Variants in SDK1 observed in about 807,000 individuals in gnomAD.
SDK1 encodes sidekick cell adhesion molecule 1.
A neutral mutation model predicts 245.5 loss-of-function variants in SDK1; 157 were observed. The observed-to-expected ratio is 0.64, with a 90% CI of 0.56 to 0.73. SDK1 has a LOEUF of 0.73. SDK1 is among the 30% of genes least tolerant of loss of function. The pLI is 0.00. For synonymous variants in SDK1, 1,647 were observed against 1,278.5 expected (o/e 1.29, Z -6.15); for missense variants, 3,583 against 3,002.3 (o/e 1.19, Z -4.52).
chr7:3,795,011 T>C (rs143552357), intron 4 of SDK1, among the ~76,000 whole-genome samples: 139 of 152,316 alleles, frequency 9.1e-4, no homozygotes, highest in African/African-American at 3.1e-3. Flanking sequence ...GGCACTCTGC[T>C]AGAAACTTTG....
intron 19 of SDK1, among the ~76,000 whole-genome samples, chr7:4,059,236 T>G (rs1779385621): frequency 6.6e-6 from 1 of 152,038 alleles, no homozygotes; most frequent in African/African-American, 2.4e-5. Flanking sequence ...ACATGTAGAC[T>G]GAAAGTAAAG....
intron 1 of SDK1, among the ~76,000 whole-genome samples, chr7:3,607,296 C>T (rs116932680): frequency 0.016 from 2,511 of 152,290 alleles, 37 homozygotes; most frequent in Middle Eastern, 0.034. Flanking sequence ...GGAAATCATA[C>T]ATAAATCACT....
chr7:3,506,821 C>T (rs1011176672), intron 1 of SDK1, among the ~76,000 whole-genome samples: 1 of 151,712 alleles, frequency 6.6e-6, no homozygotes. Flanking sequence ...TATTTAAATA[C>T]ATTACATGTC....
intron 5 of SDK1, among the ~76,000 whole-genome samples, chr7:3,949,135 G>A (rs1223910461): frequency 6.6e-6 from 1 of 152,198 alleles, no homozygotes; most frequent in African/African-American, 2.4e-5. Context: ...CAGCAGGAAG[G>A]TTTCCGGAGA....
At chr7:3,959,390 G>T (rs892329774) in intron 8 of SDK1, among the ~76,000 whole-genome samples, 1 of 152,104 alleles carries the variant, frequency 6.6e-6, no homozygotes, top group Admixed American at 6.5e-5. Context: ...GGGTGACTAG[G>T]ACTGGTGAGC....
At chr7:4,115,365 G>A (rs993172157) in intron 25 of SDK1, among the ~76,000 whole-genome samples, 5 of 152,170 alleles carry the variant, frequency 3.3e-5, no homozygotes, top group African/African-American at 1.2e-4. Context: ...ATGAGGAGGA[G>A]GTATGAAGGG....
At chr7:3,496,235 G>A (rs1782021734) in intron 1 of SDK1, among the ~76,000 whole-genome samples, 1 of 152,118 alleles carries the variant, frequency 6.6e-6, no homozygotes, top group Non-Finnish European at 1.5e-5. Flanking sequence ...GGTCAGATAA[G>A]TTAGCATATC....
intron 44 of SDK1, among the ~76,000 whole-genome samples, chr7:4,262,123 C>G (rs1788056718): frequency 7.3e-6 from 1 of 137,260 alleles, no homozygotes; most frequent in Non-Finnish European, 1.5e-5. Context: ...TCAAGAATCC[C>G]TTGAACCCGG....
chr7:3,616,889 A>G (rs1456553727), intron 1 of SDK1, among the ~76,000 whole-genome samples: 1 of 152,210 alleles, frequency 6.6e-6, no homozygotes, highest in Non-Finnish European at 1.5e-5. Context: ...AAATTACCAA[A>G]AATTTAAAGT....
At chr7:4,127,574 C>T (rs1053996108) in intron 26 of SDK1, 78 bp downstream of exon 26, 32 of 1,020,298 alleles carry the variant, frequency 3.1e-5, no homozygotes, top group Non-Finnish European at 4.6e-5. Context: ...TCCCCCAAAG[C>T]AACGAGCTTC....
chr7:3,606,856 C>G (rs1390480182), intron 1 of SDK1, among the ~76,000 whole-genome samples: 5 of 151,476 alleles, frequency 3.3e-5, no homozygotes, highest in Admixed American at 6.6e-5. Flanking sequence ...AAAAAAAAAT[C>G]TGTGAAATCA....
intron 4 of SDK1, among the ~76,000 whole-genome samples, chr7:3,652,093 T>C (rs1783029678): frequency 6.6e-6 from 1 of 152,114 alleles, no homozygotes; most frequent in South Asian, 2.1e-4. Flanking sequence ...AAATATTTAG[T>C]AATTGGAGTG....
intron 1 of SDK1, among the ~76,000 whole-genome samples, chr7:3,550,173 A>G (rs1158499175): frequency 1.3e-5 from 2 of 152,196 alleles, no homozygotes; most frequent in African/African-American, 4.8e-5. Context: ...TCAAATTTAC[A>G]TATGTATATC....
intron 1 of SDK1, among the ~76,000 whole-genome samples, chr7:3,547,353 A>G (rs1054530139): frequency 1.3e-5 from 2 of 152,232 alleles, no homozygotes; most frequent in Non-Finnish European, 2.9e-5. Context: ...AAAATTAACA[A>G]TAAAATTGAG....
chr7:3,799,320 G>A lies in SDK1; in HGVS notation c.714-22130G>A, dbSNP rs988326591. ...ATTCTTCTATCTCAAATTGTGGCAT[G>A]TTCTTTCCATTTTCCCAGTTACTCA... On this transcript the variant is annotated intron_variant, in intron 4 of 44. Coordinates refer to ENST00000404826, the MANE Select transcript of SDK1 (RefSeq NM_152744.4). 5.3e-5 allele frequency among the ~76,000 whole-genome samples: 8 copies of A among 151,540 alleles called. No individual in the cohort carries two copies. The South Asian group carries it at 6.3e-4, about 12-fold the overall frequency.
intron 4 of SDK1, among the ~76,000 whole-genome samples, chr7:3,697,540 CT>C (rs201714175): frequency 2.0e-5 from 3 of 152,226 alleles, no homozygotes; most frequent in South Asian, 4.1e-4. Flanking sequence ...TCTAATACCC[CT>C]TTTTTTGAGT....
At chr7:4,127,950 G>A (rs978688688) in intron 26 of SDK1, among the ~76,000 whole-genome samples, 2 of 152,208 alleles carry the variant, frequency 1.3e-5, no homozygotes, top group African/African-American at 4.8e-5. Flanking sequence ...GGATCGCTGT[G>A]TGCATGTTTC....
At chr7:4,137,288 C>CT (rs1562867196) in intron 28 of SDK1, among the ~76,000 whole-genome samples, 1 of 152,216 alleles carries the variant, frequency 6.6e-6, no homozygotes, top group East Asian at 1.9e-4. Flanking sequence ...GAGCGAGACT[C>CT]TATCTCAAAG....
chr7:3,692,839 C>T (rs6462242), intron 4 of SDK1, among the ~76,000 whole-genome samples: 122,762 of 151,894 alleles, frequency 0.81, 49,738 homozygotes, highest in Non-Finnish European at 0.85. Flanking sequence ...GTCGAGTTTA[C>T]GTATCCTTGG....
Sources: allele counts gnomAD v4.1 joint callset (sites outside exome capture counted in the v4.1 genomes callset), GRCh38; gene constraint gnomAD v4.1.1; transcripts MANE v1.5; gene names NCBI Gene and HGNC (gene_info 2026-07-23, HGNC 2026-07-21).